Variants in DAB2 observed in about 807,000 individuals in gnomAD.
DAB2 encodes the protein DAB adaptor protein 2.
Under a neutral mutation model 71.6 loss-of-function variants are expected in DAB2, and 28 were observed. That is an observed-to-expected ratio of 0.39 (90% CI 0.29 to 0.54). The LOEUF is 0.54. Among genes scored for constraint, DAB2 ranks in the 20% least tolerant of loss-of-function variants. DAB2 has a pLI of 0.68. For synonymous variants in DAB2, 345 were observed against 339.7 expected, an observed-to-expected ratio of 1.02 and a Z score of -0.17; for missense variants, 867 against 928.8, an observed-to-expected ratio of 0.93 and a Z score of 0.86.
intron 14 of DAB2, among the ~76,000 whole-genome samples, chr5:39,374,140 G>A (rs780993434): frequency 1.3e-5 from 2 of 152,090 alleles, no homozygotes; most frequent in African/African-American, 2.4e-5. Flanking sequence ...CATTCTAGAT[G>A]AGCCAAATCA....
intron 1 of DAB2, among the ~76,000 whole-genome samples, chr5:39,404,344 C>T (rs1280433303): frequency 1.4e-5 from 2 of 146,032 alleles, no homozygotes; most frequent in Non-Finnish European, 3.0e-5. Flanking sequence ...TGTATACATA[C>T]GTAACTAACC....
chr5:39,384,080 T>A (rs1181457485), intron 9 of DAB2, among the ~76,000 whole-genome samples: 1 of 152,200 alleles, frequency 6.6e-6, no homozygotes, highest in East Asian at 1.9e-4. Flanking sequence ...AGATCTCCTA[T>A]TTGTACATCT....
rs1302376260 is a variant in DAB2 at position 39,424,842 on chromosome 5, C to T, written c.-140G>A. 1.3e-5 allele frequency: 2 copies of T among 152,564 alleles called. No individual in the cohort carries two copies. The highest frequency in any genetic ancestry group is 1.3e-4 in the Admixed American group (2 of 15,280). 9.5% of individuals were successfully genotyped at this position (152,564 alleles called of 1,614,324 possible). A position where few individuals can be genotyped will look rare whatever the true frequency, so the allele number is the denominator to read the frequency against. ...CCTCCGTGAAGCGAGCATGACTTCC[C>T]CGCGCCCGGAGCCTCCAGGCTACAG... is the stretch of plus-strand genomic sequence containing the variant. On this transcript the variant is annotated 5_prime_UTR_variant, in exon 1 of 15. Coordinates refer to ENST00000320816, the MANE Select transcript of DAB2 (RefSeq NM_001343.4).
At chr5:39,383,886 G>A (rs2112039775) in intron 9 of DAB2, among the ~76,000 whole-genome samples, 1 of 152,296 alleles carries the variant, frequency 6.6e-6, no homozygotes, top group Non-Finnish European at 1.5e-5. Context: ...AGGTGGGAGA[G>A]AGGCTTTTCT....
intron 7 of DAB2, 22 bp from the exon 8 acceptor site, chr5:39,388,874 A>T (rs750098896): frequency 1.2e-6 from 2 of 1,600,472 alleles, no homozygotes. Context: ...GCAAATATTT[A>T]AGGATTTAGT....
In DAB2 at chr5:39,393,267, A is replaced by G. The variant is rs776811078; in HGVS notation, c.218T>C (p.Met73Thr). Reference protein sequence around the residue: ...ARGDKMSQDSMMKLKGMAAAG... With the variant: ...ARGDKMSQDSTMKLKGMAAAG... ...TTTCCCTTTTACCTTTAGTTTCATC[A>G]TAGAGTCTTGGCTCATTTTATCCCC... The change falls in exon 3 of 15, where the codon ATG becomes ACG. Residue 73 changes from methionine (M) to threonine (T), a missense_variant. By Grantham distance (81) the Met-to-Thr change is moderately conservative (BLOSUM62 -1). Around this residue, in one of 2 missense-constraint regions of DAB2, gnomAD observed 127 missense variants for 194.4 expected, o/e 0.65. Coordinates refer to ENST00000320816, the MANE Select transcript of DAB2 (RefSeq NM_001343.4). The G allele has an allele frequency of 2.5e-6, 4 of 1,613,966 alleles. No homozygotes were observed. The highest frequency in any genetic ancestry group is 3.4e-6 in the Non-Finnish European group (4 of 1,179,934).
chr5:39,376,500 G>A lies in DAB2; in HGVS notation c.2137+150C>T, dbSNP rs114061601. ...AATAGTTATCACCAAAAGGTAAATG[G>A]TTAAGTTGTCTCCGTAACCCTTGAT... is the stretch of plus-strand genomic sequence containing the variant. On this transcript the variant is annotated intron_variant, in intron 12 of 14. Coordinates refer to ENST00000320816, the MANE Select transcript of DAB2 (RefSeq NM_001343.4). 1,143 of 898,780 alleles carry A rather than the reference G, an allele frequency of 1.3e-3. 11 individuals are homozygous for A. The African/African-American group carries it at 0.017, about 14-fold the overall frequency. The allele number at this position is 898,780 out of a possible 1,614,324, so 55.7% of individuals were successfully genotyped here.
At chr5:39,423,320 G>A (rs1190144650) in intron 1 of DAB2, among the ~76,000 whole-genome samples, 1 of 1,076 alleles carries the variant, frequency 9.3e-4, no homozygotes, top group Non-Finnish European at 5.0e-3. Flanking sequence ...TTCTCTAGAA[G>A]ACTTTCCCAT....
In DAB2 at chr5:39,394,348, T is replaced by C; in HGVS notation, c.-28A>G. 6.4e-7 allele frequency: 1 copy of C among 1,562,944 alleles called. No homozygotes were observed. The highest frequency in any genetic ancestry group is 1.1e-5 in the South Asian group (1 of 90,008). ...CAAGAAGGCAGGCAGCAAACCTCAG[T>C]ACCAGTGGACACTTGGTGACACCAG... On this transcript the variant is annotated 5_prime_UTR_variant, in exon 2 of 15. Coordinates refer to ENST00000320816, the MANE Select transcript of DAB2 (RefSeq NM_001343.4).
chr5:39,395,937 C>CTTTTTTTTTTGTT (rs1755356876), intron 1 of DAB2, among the ~76,000 whole-genome samples: 2 of 74,858 alleles, frequency 2.7e-5, no homozygotes, highest in Non-Finnish European at 4.6e-5. Flanking sequence ...CACAGATATT[C>CTTTTTTTTTTGTT]TTTTTTTTTT....
At chr5:39,409,713 G>A (rs530716129) in intron 1 of DAB2, among the ~76,000 whole-genome samples, 8 of 152,224 alleles carry the variant, frequency 5.3e-5, no homozygotes, top group South Asian at 2.1e-4. Context: ...ATAATTCAAG[G>A]AACCTTGTGT....
intron 1 of DAB2, among the ~76,000 whole-genome samples, chr5:39,415,225 A>C (rs893926598): frequency 1.1e-4 from 16 of 152,160 alleles, no homozygotes; most frequent in African/African-American, 3.9e-4. Context: ...TTTACATTTA[A>C]TATTTATGAG....
chr5:39,383,822 T>C (rs544773252), intron 9 of DAB2, among the ~76,000 whole-genome samples: 2 of 152,356 alleles, frequency 1.3e-5, no homozygotes, highest in Non-Finnish European at 2.9e-5. Context: ...CTGGCTGTGA[T>C]GAAATTTAAG....
intron 1 of DAB2, among the ~76,000 whole-genome samples, chr5:39,400,468 C>T (rs1755472815): frequency 6.6e-6 from 1 of 152,008 alleles, no homozygotes; most frequent in East Asian, 1.9e-4. Context: ...TCCTGACCTC[C>T]CTCAGGTCCT....
At chr5:39,413,845 C>A (rs1246660302) in intron 1 of DAB2, among the ~76,000 whole-genome samples, 1 of 152,160 alleles carries the variant, frequency 6.6e-6, no homozygotes. Context: ...AGTCTACAGT[C>A]TAACTTGGGC....
At chr5:39,406,743 A>C (rs1198451905) in intron 1 of DAB2, among the ~76,000 whole-genome samples, 3 of 152,164 alleles carry the variant, frequency 2.0e-5, no homozygotes, top group Non-Finnish European at 4.4e-5. Flanking sequence ...TTAGATGGTA[A>C]AGTAGGATAT....
At chr5:39,403,986 C>T (rs186301901) in intron 1 of DAB2, among the ~76,000 whole-genome samples, 158 of 152,046 alleles carry the variant, frequency 1.0e-3, no homozygotes, top group African/African-American at 3.4e-3. Context: ...GCATAGTATT[C>T]CATGGTGTAT....
At chr5:39,396,474 G>A (rs989288453) in intron 1 of DAB2, among the ~76,000 whole-genome samples, 1 of 152,214 alleles carries the variant, frequency 6.6e-6, no homozygotes, top group Non-Finnish European at 1.5e-5. Flanking sequence ...CAATGTCTGG[G>A]ATATAGATGG....
At chr5:39,379,884 T>G (rs1412857190) in intron 11 of DAB2, among the ~76,000 whole-genome samples, 1 of 152,206 alleles carries the variant, frequency 6.6e-6, no homozygotes, top group African/African-American at 2.4e-5. Flanking sequence ...ATCATCAGTA[T>G]TCTGCAGTTG....
Sources: gnomAD v4.1 joint callset for allele counts (sites outside exome capture counted in the v4.1 genomes callset) on GRCh38, gnomAD v4.1.1 for gene constraint, gnomAD v4.1.1 regional missense constraint, MANE v1.5 for transcripts, NCBI Gene and HGNC (gene_info 2026-07-23, HGNC 2026-07-21) for gene names.